UGGT1: variants seen among roughly 807,000 people sequenced by gnomAD.
UGGT1 encodes UDP-glucose:glycoprotein glucosyltransferase 1.
In UGGT1, 107 loss-of-function variants were observed where a neutral mutation model predicts 203.9. The observed-to-expected ratio is 0.52, with a 90% confidence interval of 0.45 to 0.62. UGGT1 has a LOEUF of 0.62. Ranked by LOEUF, UGGT1 falls within the 20% of genes least tolerant of loss-of-function variation. The pLI is 0.00. For missense variants in UGGT1, 1,673 were observed against 1,867.2 expected, an observed-to-expected ratio of 0.90 and a Z score of 1.92; for synonymous variants, 628 against 653.5, an observed-to-expected ratio of 0.96 and a Z score of 0.59.
intron 25 of UGGT1, among the ~76,000 whole-genome samples, chr2:128,161,490 CT>C (rs376226989): frequency 3.3e-5 from 5 of 152,030 alleles, no homozygotes; most frequent in African/African-American, 1.2e-4. Context: ...CTAGTTCTCT[CT>C]TTTTATTTTT....
At chr2:128,124,799 C>T (rs1460179754) in intron 11 of UGGT1, among the ~76,000 whole-genome samples, 2 of 151,616 alleles carry the variant, frequency 1.3e-5, no homozygotes, top group Non-Finnish European at 2.9e-5. Context: ...TATGGTGTTC[C>T]CGTGTATCTC....
At chr2:128,175,823 C>T (rs1330871326) in intron 31 of UGGT1, among the ~76,000 whole-genome samples, 2 of 152,294 alleles carry the variant, frequency 1.3e-5, no homozygotes, top group South Asian at 2.1e-4. Context: ...TCTTCCTTTG[C>T]CTGAGAACCC....
intron 19 of UGGT1, among the ~76,000 whole-genome samples, chr2:128,153,740 C>T (rs906127512): frequency 1.3e-5 from 2 of 152,146 alleles, no homozygotes; most frequent in African/African-American, 4.8e-5. Context: ...AGTTGGTGGA[C>T]AGTTGGCAGT....
chr2:128,152,956 A>G (rs1369095517), intron 19 of UGGT1, 52 bp downstream of exon 19: 2 of 1,602,362 alleles, frequency 1.2e-6, no homozygotes, highest in African/African-American at 2.7e-5. Context: ...TGTGCTTCAG[A>G]ATCTTTACAT....
Position 128,161,202 on chromosome 2 carries a change from T to A in UGGT1, c.2759T>A (p.Ile920Asn), listed in dbSNP as rs546635507. ...GACGATTTCCACCTCCTCGAAAATA[T>A]CATCTTAAAAACCTCAGGACAGAAA... ...NQDDFHLLEN[I>N]ILKTSGQKIK... The change falls in exon 25 of 41, where the codon ATC (isoleucine) becomes AAC (asparagine). Residue 920 changes from isoleucine (I) to asparagine (N), a missense_variant. Physicochemically the swap from Ile to Asn is moderately radical, Grantham distance 149. Coordinates refer to ENST00000259253, the MANE Select transcript of UGGT1 (RefSeq NM_020120.4). 1 of 1,614,010 alleles carries A rather than the reference T, an allele frequency of 6.2e-7. No individual in the cohort carries two copies.
chr2:128,122,889 G>C (rs1024786685), intron 10 of UGGT1, among the ~76,000 whole-genome samples: 10 of 152,148 alleles, frequency 6.6e-5, no homozygotes, highest in African/African-American at 2.4e-5. Context: ...TATCCTTTTA[G>C]CCTGAGAGTA....
intron 17 of UGGT1, 146 bp downstream of exon 17, chr2:128,143,371 C>T: frequency 1.0e-6 from 1 of 972,882 alleles, no homozygotes; most frequent in Non-Finnish European, 1.4e-6. Context: ...GATCACTTTT[C>T]AGTGTTTGAA....
chr2:128,091,394 G>T lies in UGGT1; in HGVS notation c.37G>T (p.Ala13Ser). 6.3e-7 allele frequency: 1 copy of T among 1,578,764 alleles called. No individual in the cohort carries two copies. Among genetic ancestry groups the T allele is most frequent in the Non-Finnish European group, 8.6e-7 (1 of 1,162,456 alleles). Residue 13 changes from alanine (A) to serine (S), a missense_variant, in exon 1 of 41, where the codon GCG becomes TCG. Ala to Ser is a moderately conservative substitution (Grantham distance 99). Coordinates refer to ENST00000259253, the MANE Select transcript of UGGT1 (RefSeq NM_020120.4). The stretch of plus-strand genomic sequence containing the variant: ...GGGAGACGCGAGCGGTGCGTGTGCC[G>T]CGGGTGCGCTGCCGGTGACAGGTAC... ...CKGDASGACA[A>S]GALPVTGVCY...
Position 128,113,891 on chromosome 2 carries a change from G to C in UGGT1, c.696+633G>C, listed in dbSNP as rs1173904524. On this transcript the variant is annotated intron_variant, in intron 6 of 40. Transcript: ENST00000259253. The stretch of plus-strand genomic sequence containing the variant: ...AGCTACGCGGGAGGCTGAGGCAGGA[G>C]AATGGCGTGAACCCGGGAGGCGGAG... Among the ~76,000 whole-genome samples the C allele has an allele frequency of 2.9e-4, 2 of 6,990 alleles. 1 individual carries two copies. The highest frequency in any genetic ancestry group is 3.4e-3 in the Non-Finnish European group (2 of 588). The allele number at this position is 6,990 out of a possible 152,430, so 4.6% of individuals were successfully genotyped here. A position where few individuals can be genotyped will look rare whatever the true frequency, so the allele number is the denominator to read the frequency against.
chr2:128,115,140 C>G lies in UGGT1; in HGVS notation c.713C>G (p.Pro238Arg). 6.2e-7 allele frequency: 1 copy of G among 1,613,984 alleles called. No homozygotes were observed. The highest frequency in any genetic ancestry group is 8.5e-7 in the Non-Finnish European group (1 of 1,179,938). ...RHYIFNPRKEPVYLSGYGVEL... is the reference protein window; with the variant it reads ...RHYIFNPRKERVYLSGYGVEL... ...TACTTGCAGAATCCCAGGAAGGAGC[C>G]TGTTTACCTCTCTGGCTATGGCGTG... is the stretch of plus-strand genomic sequence containing the variant. The change falls in exon 7 of 41, where the codon CCT becomes CGT. Residue 238 changes from proline (P) to arginine (R), a missense_variant. By Grantham distance (103) the Pro-to-Arg change is moderately radical. This residue lies in a region of UGGT1 where 1,073 missense variants were observed against 1,078.7 expected (regional missense o/e 0.99). Coordinates refer to ENST00000259253, the MANE Select transcript of UGGT1 (RefSeq NM_020120.4).
chr2:128,141,093 G>A (rs1689399729), intron 16 of UGGT1, among the ~76,000 whole-genome samples: 1 of 152,080 alleles, frequency 6.6e-6, no homozygotes, highest in Admixed American at 6.5e-5. Context: ...GGAGGCCAAG[G>A]GAGGGAGATC....
intron 19 of UGGT1, among the ~76,000 whole-genome samples, 177 bp from the exon 20 acceptor site, chr2:128,155,312 G>C (rs537932956): frequency 2.4e-4 from 36 of 152,308 alleles, no homozygotes; most frequent in African/African-American, 7.9e-4. Flanking sequence ...TCTTTGATGT[G>C]TGACTTCAGT....
chr2:128,112,454 TTATATATATA>T lies in UGGT1; in HGVS notation c.522-620_522-611del, dbSNP rs59726004. On this transcript the variant is annotated intron_variant, in intron 5 of 40. Coordinates refer to ENST00000259253, the MANE Select transcript of UGGT1 (RefSeq NM_020120.4). ...AAAAAACCCCCCAAAAAATACTATG[TTATATATATA>T]TATATATATTACATACATACATACT... Among the ~76,000 whole-genome samples, 3 of 55,812 alleles carry T rather than the reference TTATATATATA, an allele frequency of 5.4e-5. 1 individual carries two copies. Among genetic ancestry groups the T allele is most frequent in the Non-Finnish European group, 1.1e-4 (3 of 26,610 alleles). 36.6% of individuals were successfully genotyped at this position (55,812 alleles called of 152,430 possible).
At chr2:128,128,949 G>C in intron 12 of UGGT1, 80 bp from the exon 13 acceptor site, 1 of 1,404,958 alleles carries the variant, frequency 7.1e-7, no homozygotes, top group Non-Finnish European at 9.5e-7. Flanking sequence ...AGGTTGAACT[G>C]ATACATTTTT....
Position 128,113,091 on chromosome 2 carries a change from C to T in UGGT1, c.529C>T (p.Pro177Ser). 1 of 1,514,826 alleles carries T rather than the reference C, an allele frequency of 6.6e-7. No individual in the cohort carries two copies. Among genetic ancestry groups the T allele is most frequent in the East Asian group, 2.4e-5 (1 of 41,912 alleles). 93.8% of individuals were successfully genotyped at this position (1,514,826 alleles called of 1,614,324 possible). A position where few individuals can be genotyped will look rare whatever the true frequency, so the allele number is the denominator to read the frequency against. Reference sequence around the variant, plus strand: ...TTTATTATTTATTTTCAGACCCAAACCTTTATTGTTCAAAGGAGATCACAG... The same window carrying T: ...TTTATTATTTATTTTCAGACCCAAATCTTTATTGTTCAAAGGAGATCACAG... ...LLLTASERPK[P>S]LLFKGDHRYP... is the part of the protein sequence containing the mutation. Residue 177 changes from proline to serine, a missense_variant, in exon 6 of 41, where the codon CCT (proline) becomes TCT (serine). By Grantham distance (74) the Pro-to-Ser change is moderately conservative. Around this residue, in one of 4 missense-constraint regions of UGGT1, gnomAD observed 1,073 missense variants for 1,078.7 expected, o/e 0.99. Transcript: ENST00000259253.
intron 36 of UGGT1, 34 bp from the exon 37 acceptor site, chr2:128,182,096 G>A (rs761482761): frequency 6.2e-7 from 1 of 1,605,294 alleles, no homozygotes; most frequent in Non-Finnish European, 8.5e-7. Flanking sequence ...CTGTCTGCAT[G>A]GTTGCTTAAC....
chr2:128,116,185 A>C, intron 7 of UGGT1, 80 bp from the exon 8 acceptor site: 3 of 867,386 alleles, frequency 3.5e-6, no homozygotes, highest in Non-Finnish European at 3.6e-6. Flanking sequence ...ATTCAATTTT[A>C]TGAAGTTTAT....
chr2:128,131,834 G>A (rs1227632819), intron 13 of UGGT1, among the ~76,000 whole-genome samples: 1 of 152,026 alleles, frequency 6.6e-6, no homozygotes, highest in Non-Finnish European at 1.5e-5. Context: ...TCACCATGTT[G>A]GCCAGGATGG....
chr2:128,150,971 C>T (rs1454808782), intron 18 of UGGT1, among the ~76,000 whole-genome samples: 3 of 152,036 alleles, frequency 2.0e-5, no homozygotes, highest in Non-Finnish European at 4.4e-5. Flanking sequence ...CTGCCTCAGG[C>T]TCCTGAGTAG....
Sources: gnomAD v4.1 joint callset for allele counts (sites outside exome capture counted in the v4.1 genomes callset) on GRCh38, gnomAD v4.1.1 for gene constraint, gnomAD v4.1.1 regional missense constraint, MANE v1.5 for transcripts, NCBI Gene and HGNC (gene_info 2026-07-23, HGNC 2026-07-21) for gene names.